Variants in ACAP2 observed in about 807,000 individuals in gnomAD.
ACAP2 encodes the protein arf-GAP with coiled-coil, ANK repeat and PH domain-containing protein 2.
ACAP2 carries 39 observed loss-of-function variants against 115.8 expected under a neutral mutation model. That is an observed-to-expected ratio of 0.34 (90% CI 0.26 to 0.44). The LOEUF (loss-of-function observed/expected upper bound fraction) is 0.44, where lower values mean the gene tolerates loss of function less well. ACAP2 is among the 20% of genes least tolerant of loss of function. The probability of loss-of-function intolerance (pLI) is 1.00; values close to 1 mark genes in which losing one functional copy is unlikely to be tolerated. For missense variants in ACAP2, 662 were observed against 927.6 expected, an observed-to-expected ratio of 0.71 and a Z score of 3.72; for synonymous variants, 289 against 315.8, an observed-to-expected ratio of 0.92 and a Z score of 0.90.
chr3:195,310,577 G>T (rs1728700841), intron 10 of ACAP2, among the ~76,000 whole-genome samples: 1 of 152,218 alleles, frequency 6.6e-6, no homozygotes, highest in African/African-American at 2.4e-5. Flanking sequence ...GTAATTTGAT[G>T]AAAGCTACGA....
At chr3:195,301,779 T>C in intron 14 of ACAP2, 135 bp from the exon 15 acceptor site, 1 of 1,114,960 alleles carries the variant, frequency 9.0e-7, no homozygotes, top group Non-Finnish European at 1.3e-6. Flanking sequence ...TGTTTAATAA[T>C]GAATGATGAA....
chr3:195,354,212 T>C (rs1205556972), intron 4 of ACAP2, among the ~76,000 whole-genome samples: 1 of 152,212 alleles, frequency 6.6e-6, no homozygotes, highest in Non-Finnish European at 1.5e-5. Context: ...ATAGTGTATA[T>C]GTACGTATGC....
intron 2 of ACAP2, among the ~76,000 whole-genome samples, chr3:195,382,574 C>G (rs1392025405): frequency 6.6e-6 from 1 of 151,700 alleles, no homozygotes; most frequent in African/African-American, 2.4e-5. Flanking sequence ...TTTTCTTTTA[C>G]CAAAATCTTG....
At chr3:195,417,124 G>A (rs1183798217) in intron 1 of ACAP2, among the ~76,000 whole-genome samples, 1 of 140,804 alleles carries the variant, frequency 7.1e-6, no homozygotes, top group Admixed American at 7.5e-5. Flanking sequence ...CAGTGAGTGG[G>A]TCTCCCATTG....
intron 1 of ACAP2, among the ~76,000 whole-genome samples, chr3:195,397,706 T>C (rs1037001439): frequency 6.6e-6 from 1 of 152,104 alleles, no homozygotes; most frequent in Non-Finnish European, 1.5e-5. Context: ...CTCTAAAACA[T>C]AGATAAACAA....
At position 195,326,990 on chromosome 3, in the gene ACAP2, C is replaced by T. The variant is rs372903448; in HGVS notation, c.670-31G>A. The T allele has an allele frequency of 4.4e-5, 69 of 1,584,872 alleles. No individual in the cohort carries two copies. The Middle Eastern group carries it at 5.0e-4, about 11-fold the overall frequency. ...AAAAGGGAAAAGAGAAAACTGCAGA[C>T]TTAAAAAAAGTATGGATTAGTTTTT... On this transcript the variant is annotated intron_variant, in intron 8 of 22. Transcript: ENST00000326793.
chr3:195,350,267 T>C (rs1731467361), intron 4 of ACAP2, among the ~76,000 whole-genome samples: 1 of 152,102 alleles, frequency 6.6e-6, no homozygotes, highest in Non-Finnish European at 1.5e-5. Context: ...ATAGCCAAAA[T>C]AACTTTGAAA....
chr3:195,389,702 TA>T (rs952223357), intron 2 of ACAP2, among the ~76,000 whole-genome samples: 1 of 152,146 alleles, frequency 6.6e-6, no homozygotes, highest in Non-Finnish European at 1.5e-5. Flanking sequence ...AAAATAGTAA[TA>T]AAAAGCCAGA....
intron 2 of ACAP2, among the ~76,000 whole-genome samples, chr3:195,384,850 CA>C (rs1336775401): frequency 6.6e-6 from 1 of 152,020 alleles, no homozygotes; most frequent in Non-Finnish European, 1.5e-5. Flanking sequence ...TTGTGTACTA[CA>C]TAGGTGGTAT....
Position 195,306,500 on chromosome 3 carries a change from C to T in ACAP2, c.1116+11G>A. The T allele has an allele frequency of 1.9e-6, 3 of 1,576,774 alleles. No homozygotes were observed. The highest frequency in any genetic ancestry group is 2.6e-6 in the Non-Finnish European group (3 of 1,158,744). On this transcript the variant is annotated intron_variant, in intron 13 of 22. Coordinates refer to ENST00000326793, the MANE Select transcript of ACAP2 (RefSeq NM_012287.6). ...AATATATTATCTGGTATTGCTAATA[C>T]CTCTACTAACCTCTGATTCATCACC...
intron 6 of ACAP2, 53 bp downstream of exon 6, chr3:195,342,418 A>T: frequency 6.7e-7 from 1 of 1,488,162 alleles, no homozygotes; most frequent in Non-Finnish European, 9.0e-7. Flanking sequence ...CAAAAGTAAC[A>T]ACCTGTTTAA....
Position 195,424,243 on chromosome 3 carries a change from TG to T in ACAP2, c.53+18551del, listed in dbSNP as rs869209192. On this transcript the variant is annotated intron_variant, in intron 1 of 22. Transcript: ENST00000326793. Reference sequence around the variant, plus strand: ...GGTCATATGTGTGTGTGTGTGTGTGTGGTGTGTGTGTGTGTGTGTATATATA... The same window carrying T: ...GGTCATATGTGTGTGTGTGTGTGTGTGTGTGTGTGTGTGTGTGTATATATA... Among the ~76,000 whole-genome samples the T allele has an allele frequency of 6.7e-3, 386 of 57,978 alleles. 3 individuals are homozygous for T. Among genetic ancestry groups the T allele is most frequent in the African/African-American group, 0.017 (274 of 15,778 alleles). 38.0% of individuals were successfully genotyped at this position (57,978 alleles called of 152,430 possible).
rs570251597 is a variant in ACAP2, at chr3:195,301,147, G to A, written c.1395+428C>T. ...GTTACCCAGGCTGGAGTGCAGTGGC[G>A]CGATCTCGGCTCACTGCAAGCTCTG... On this transcript the variant is annotated intron_variant, in intron 15 of 22. Coordinates refer to ENST00000326793, the MANE Select transcript of ACAP2 (RefSeq NM_012287.6). Among the ~76,000 whole-genome samples the A allele has an allele frequency of 7.3e-5, 11 of 151,396 alleles. No individual in the cohort carries two copies. In the South Asian group the frequency reaches 2.1e-3, roughly 29 times the overall value.
chr3:195,289,360 TAACTG>T, intron 20 of ACAP2, 129 bp from the exon 21 acceptor site: 1 of 686,118 alleles, frequency 1.5e-6, no homozygotes, highest in Non-Finnish European at 2.5e-6. Context: ...CTACAAATAT[TAACTG>T]AACACTAACT....
chr3:195,294,650 G>T (rs1727528741), intron 18 of ACAP2, 69 bp downstream of exon 18: 2 of 498,238 alleles, frequency 4.0e-6, no homozygotes, highest in Non-Finnish European at 6.5e-6. Flanking sequence ...TTTAATCAAA[G>T]GTAAACATTT....
At chr3:195,349,787 C>T (rs2108664828) in intron 4 of ACAP2, 1 of 326,350 alleles carries the variant, frequency 3.1e-6, no homozygotes, top group Non-Finnish European at 6.0e-6. Context: ...GGCCCTCAGG[C>T]ACTCAAAGAG....
intron 1 of ACAP2, among the ~76,000 whole-genome samples, chr3:195,436,372 G>T (rs1446042393): frequency 6.6e-6 from 1 of 151,934 alleles, no homozygotes; most frequent in African/African-American, 2.4e-5. Context: ...GAGATCAAGC[G>T]ATCTGCCCAC....
chr3:195,314,551 G>A (rs141873186), intron 10 of ACAP2, among the ~76,000 whole-genome samples: 3,698 of 152,270 alleles, frequency 0.024, 143 homozygotes, highest in African/African-American at 0.083. Context: ...TTACAGGCAT[G>A]AGCCACCATG....
intron 4 of ACAP2, among the ~76,000 whole-genome samples, chr3:195,349,406 G>A (rs1027921687): frequency 6.6e-6 from 1 of 151,988 alleles, no homozygotes; most frequent in South Asian, 2.1e-4. Context: ...GCTTGAACCC[G>A]GGAGGCAGAG....
Sources: gnomAD v4.1 joint callset for allele counts (sites outside exome capture counted in the v4.1 genomes callset) on GRCh38, gnomAD v4.1.1 for gene constraint, MANE v1.5 for transcripts, NCBI Gene and HGNC (gene_info 2026-07-23, HGNC 2026-07-21) for gene names.